PDE11A: variants seen among roughly 807,000 people sequenced by gnomAD.
PDE11A encodes the protein dual 3',5'-cyclic-AMP and -GMP phosphodiesterase 11A.
Under a neutral mutation model 100.5 loss-of-function variants are expected in PDE11A, and 100 were observed. The ratio of observed to expected loss-of-function variants is 1.00; its 90% CI spans 0.85 to 1.18. PDE11A has a LOEUF of 1.18. Ranked by LOEUF, PDE11A falls within the 50% of genes most tolerant of loss-of-function variation. PDE11A has a pLI of 0.00. For missense variants in PDE11A, 1,141 were observed against 1,152.6 expected, an observed-to-expected ratio of 0.99 and a Z score of 0.15; for synonymous variants, 381 against 420.8, an observed-to-expected ratio of 0.91 and a Z score of 1.16.
At chr2:177,756,387 A>G (rs962592943) in intron 10 of PDE11A, among the ~76,000 whole-genome samples, 2 of 152,202 alleles carry the variant, frequency 1.3e-5, no homozygotes, top group Admixed American at 6.5e-5. Flanking sequence ...TTAAATTCAT[A>G]TTGGAGAAAT....
At chr2:177,998,080 T>C in intron 2 of PDE11A, 1 of 1,312,148 alleles carries the variant, frequency 7.6e-7, no homozygotes, top group Non-Finnish European at 1.1e-6. Flanking sequence ...ACACTCAGGA[T>C]CTGAGGGATT....
At chr2:178,034,586 C>T (rs1244310830) in intron 1 of PDE11A, among the ~76,000 whole-genome samples, 5 of 152,200 alleles carry the variant, frequency 3.3e-5, no homozygotes, top group African/African-American at 1.2e-4. Context: ...TTCTCAGCAC[C>T]ACATTGCACT....
chr2:178,069,668 G>A (rs1407510969), intron 1 of PDE11A, among the ~76,000 whole-genome samples: 1 of 152,106 alleles, frequency 6.6e-6, no homozygotes, highest in Non-Finnish European at 1.5e-5. Flanking sequence ...GCAGAGTAAG[G>A]GTAGAGCCCA....
At position 178,071,619 on chromosome 2, in the gene PDE11A, C is replaced by G. The variant is rs1283925727; in HGVS notation, c.819G>C (p.Glu273Asp). 1.2e-6 allele frequency: 2 copies of G among 1,613,932 alleles called. No individual in the cohort carries two copies. Among genetic ancestry groups the G allele is most frequent in the Non-Finnish European group, 1.7e-6 (2 of 1,179,854 alleles). ...AGGGGACCTGCACCTCATTTGAGTT[C>G]TCTGTGCTGCTGCAAGGCAGCAGAG... The part of the protein sequence containing the change: ...GTPLLPCSST[E>D]NSNEVQVPWG... The change falls in exon 1 of 20, where the codon GAG becomes GAC. Residue 273 changes from glutamate to aspartate, a missense_variant. Coordinates refer to ENST00000286063, the MANE Select transcript of PDE11A (RefSeq NM_016953.4).
At position 177,629,256 on chromosome 2, in the gene PDE11A, C is replaced by A; in HGVS notation, c.*151G>T. On this transcript the variant is annotated 3_prime_UTR_variant, in exon 20 of 20. Transcript: ENST00000286063. ...TCCCGTTGCTCTCTCTGCTGCTGAC[C>A]ATGCTTCAAGGTGAAAGCCCAGGCA... The A allele has an allele frequency of 1.3e-6, 1 of 754,054 alleles. No individual in the cohort carries two copies. 46.7% of individuals were successfully genotyped at this position (754,054 alleles called of 1,614,324 possible). A position where few individuals can be genotyped will look rare whatever the true frequency, so the allele number is the denominator to read the frequency against.
chr2:177,806,754 T>A (rs4143805), intron 9 of PDE11A, among the ~76,000 whole-genome samples: 60,757 of 151,850 alleles, frequency 0.4, 14,984 homozygotes, highest in East Asian at 0.61. Flanking sequence ...TATAAAGAAT[T>A]ATGTGTTAAA....
intron 2 of PDE11A, among the ~76,000 whole-genome samples, chr2:177,907,149 A>T (rs754022662): frequency 2.0e-5 from 3 of 151,918 alleles, no homozygotes; most frequent in African/African-American, 7.2e-5. Flanking sequence ...ATGTTAAATT[A>T]AAAAGAATCT....
At position 177,999,566 on chromosome 2, in the gene PDE11A, A is replaced by C. The variant is rs1328819896; in HGVS notation, c.1071+14736T>G. Among the ~76,000 whole-genome samples, 13 of 152,334 alleles carry C rather than the reference A, an allele frequency of 8.5e-5. 1 individual carries two copies. In the East Asian group the frequency reaches 1.9e-3, roughly 23 times the overall value. On this transcript the variant is annotated intron_variant, in intron 2 of 19. Coordinates refer to ENST00000286063, the MANE Select transcript of PDE11A (RefSeq NM_016953.4). Reference sequence around the variant, plus strand: ...CCAAATAACCAAGCACTGAGAATGGAGTTAAAACTGCCCAGACGCTATGAT... The same window carrying C: ...CCAAATAACCAAGCACTGAGAATGGCGTTAAAACTGCCCAGACGCTATGAT...
At chr2:177,790,088 C>T (rs34909518) in intron 9 of PDE11A, among the ~76,000 whole-genome samples, 2 of 151,938 alleles carry the variant, frequency 1.3e-5, no homozygotes, top group African/African-American at 4.8e-5. Context: ...CAAGTCAGTC[C>T]TAAGCCAAAA....
Position 177,845,780 on chromosome 2 carries a change from G to C in PDE11A, c.1368-5397C>G, listed in dbSNP as rs868648692. The stretch of plus-strand genomic sequence containing the variant: ...GAACGAGACTCCGTCTGCAATCCCG[G>C]CACCTCGGGAGGCCGAGGCTGGTGG... On this transcript the variant is annotated intron_variant, in intron 5 of 19. Transcript: ENST00000286063. Among the ~76,000 whole-genome samples the C allele has an allele frequency of 3.9e-5, 6 of 152,236 alleles. No homozygotes were observed. In the South Asian group the frequency reaches 1.2e-3, roughly 31 times the overall value.
At chr2:177,964,410 G>A (rs2085672562) in intron 2 of PDE11A, among the ~76,000 whole-genome samples, 1 of 151,882 alleles carries the variant, frequency 6.6e-6, no homozygotes, top group South Asian at 2.1e-4. Context: ...TTTAGGTTCA[G>A]GGGGTACATG....
At chr2:178,025,021 A>G (rs1225076362) in intron 1 of PDE11A, among the ~76,000 whole-genome samples, 1 of 152,216 alleles carries the variant, frequency 6.6e-6, no homozygotes, top group Non-Finnish European at 1.5e-5. Flanking sequence ...TGTGGCAACT[A>G]CATAGCTCAT....
chr2:177,631,319 AAAAC>A (rs138059693), intron 19 of PDE11A, among the ~76,000 whole-genome samples: 93,645 of 133,044 alleles, frequency 0.7, 36,062 homozygotes, highest in East Asian at 0.88. Context: ...AACAAAAAAA[AAAAC>A]AACCTAGGCG....
chr2:177,739,153 T>C (rs2081836574), intron 10 of PDE11A, among the ~76,000 whole-genome samples: 2 of 152,220 alleles, frequency 1.3e-5, no homozygotes, highest in Admixed American at 1.3e-4. Flanking sequence ...CAAAGGGAAC[T>C]GGAGGCTCAA....
At chr2:177,997,353 C>G in intron 2 of PDE11A, 1 of 855,134 alleles carries the variant, frequency 1.2e-6, no homozygotes, top group South Asian at 1.3e-5. Flanking sequence ...TTTTGTTCTG[C>G]TGAAGATTTC....
At chr2:177,658,866 T>C (rs760496012) in intron 19 of PDE11A, among the ~76,000 whole-genome samples, 2 of 152,166 alleles carry the variant, frequency 1.3e-5, no homozygotes, top group Non-Finnish European at 2.9e-5. Flanking sequence ...ACTCCCATTC[T>C]ACTATTTCAA....
chr2:177,935,767 A>G (rs951070185), intron 2 of PDE11A, among the ~76,000 whole-genome samples: 1 of 152,216 alleles, frequency 6.6e-6, no homozygotes, highest in Non-Finnish European at 1.5e-5. Context: ...AGCTCTGACT[A>G]TAACACCTAC....
chr2:177,892,621 G>A (rs1240721897), intron 4 of PDE11A, among the ~76,000 whole-genome samples: 1 of 152,214 alleles, frequency 6.6e-6, no homozygotes, highest in African/African-American at 2.4e-5. Context: ...ATTTAATACT[G>A]AAATTTTCAC....
At chr2:177,659,886 T>A (rs1196313673) in intron 19 of PDE11A, among the ~76,000 whole-genome samples, 1 of 152,102 alleles carries the variant, frequency 6.6e-6, no homozygotes, top group African/African-American at 2.4e-5. Context: ...ATGTATTCCT[T>A]CGAGATACCC....
Sources: allele counts gnomAD v4.1 joint callset (sites outside exome capture counted in the v4.1 genomes callset), GRCh38; gene constraint gnomAD v4.1.1; transcripts MANE v1.5; gene names NCBI Gene and HGNC (gene_info 2026-07-23, HGNC 2026-07-21).